EFCAB5: variants seen among roughly 807,000 people sequenced by gnomAD.
The protein encoded by EFCAB5 is EF-hand calcium-binding domain-containing protein 5.
Under a neutral mutation model 167.9 loss-of-function variants are expected in EFCAB5, and 131 were observed. The ratio of observed to expected loss-of-function variants is 0.78; its 90% CI spans 0.68 to 0.90. The LOEUF is 0.90. Ranked by LOEUF, EFCAB5 falls within the 40% of genes least tolerant of loss-of-function variation. EFCAB5 has a pLI of 0.00. For missense variants in EFCAB5, 1,663 were observed against 1,745.2 expected (o/e 0.95, Z 0.84); for synonymous variants, 574 against 602.8 (o/e 0.95, Z 0.70).
chr17:30,005,141 G>C (rs1169964744), intron 7 of EFCAB5, among the ~76,000 whole-genome samples: 1 of 152,074 alleles, frequency 6.6e-6, no homozygotes, highest in Non-Finnish European at 1.5e-5. Context: ...TGTGTTCTTG[G>C]TTATACTGAT....
chr17:29,981,429 C>T (rs2068172933), intron 4 of EFCAB5, among the ~76,000 whole-genome samples: 1 of 152,170 alleles, frequency 6.6e-6, no homozygotes, highest in African/African-American at 2.4e-5. Flanking sequence ...TCCTACCCAT[C>T]CTTTAGAGTT....
intron 14 of EFCAB5, chr17:30,068,908 G>A (rs1449962964): frequency 6.5e-7 from 1 of 1,540,114 alleles, no homozygotes; most frequent in Non-Finnish European, 9.0e-7. Context: ...CACAGAACGA[G>A]ACCAAATAGA....
chr17:29,997,766 T>A (rs1211195755), intron 6 of EFCAB5, among the ~76,000 whole-genome samples: 1 of 152,176 alleles, frequency 6.6e-6, no homozygotes, highest in Non-Finnish European at 1.5e-5. Flanking sequence ...GTGCAAGAAT[T>A]CCATGTGTTC....
At chr17:30,055,664 A>AATT (rs745524757) in intron 10 of EFCAB5, among the ~76,000 whole-genome samples, 60 of 152,176 alleles carry the variant, frequency 3.9e-4, no homozygotes, top group Non-Finnish European at 7.9e-4. Flanking sequence ...CTCATTTTGC[A>AATT]TGGCCAAATT....
At chr17:30,079,944 A>C in intron 15 of EFCAB5, 128 bp from the exon 16 acceptor site, 1 of 1,104,456 alleles carries the variant, frequency 9.1e-7, no homozygotes, top group Non-Finnish European at 1.3e-6. Context: ...GAATAGTAAT[A>C]TATGCATTCT....
intron 4 of EFCAB5, among the ~76,000 whole-genome samples, chr17:29,992,953 C>G (rs1450198259): frequency 6.6e-6 from 1 of 152,150 alleles, no homozygotes; most frequent in Non-Finnish European, 1.5e-5. Context: ...AGGCCTACCT[C>G]TATAAAAAGT....
chr17:30,003,099 C>T (rs113246325), intron 7 of EFCAB5, among the ~76,000 whole-genome samples: 1 of 104,388 alleles, frequency 9.6e-6, no homozygotes, highest in African/African-American at 3.4e-5. Flanking sequence ...TTTTTTGTAG[C>T]GGGGGGGGGG....
chr17:30,010,101 C>T lies in EFCAB5; in HGVS notation c.1044+10125C>T, dbSNP rs140338971. Among the ~76,000 whole-genome samples, 1,184 of 152,252 alleles carry T rather than the reference C, an allele frequency of 7.8e-3. 6 individuals are homozygous for T. The highest frequency in any genetic ancestry group is 0.014 in the Middle Eastern group (4 of 294). On this transcript the variant is annotated intron_variant, in intron 7 of 22. Coordinates refer to ENST00000394835, the MANE Select transcript of EFCAB5 (RefSeq NM_198529.4). ...GATAGTTTGCTCAGAATGATGGTTT[C>T]CAGCTTCATCCATGTCCCTACAAAG...
chr17:29,930,366 T>C, intron 1 of EFCAB5: 1 of 240,154 alleles, frequency 4.2e-6, no homozygotes, highest in Non-Finnish European at 8.2e-6. Flanking sequence ...CTCCTGGGTT[T>C]CCTCCTTCGT....
intron 3 of EFCAB5, among the ~76,000 whole-genome samples, chr17:29,963,412 A>G (rs1394859261): frequency 6.6e-6 from 1 of 152,110 alleles, no homozygotes; most frequent in Admixed American, 6.5e-5. Context: ...GAAAGATTTC[A>G]TGTTGAAAAG....
intron 8 of EFCAB5, among the ~76,000 whole-genome samples, chr17:30,045,112 A>G (rs7218113): frequency 0.51 from 77,887 of 151,908 alleles, 20,357 homozygotes; most frequent in African/African-American, 0.57. Context: ...TTACAACAAT[A>G]GAAAGCAGAT....
rs1358590405 is a variant in EFCAB5 at position 29,995,342 on chromosome 17, A to G, written c.925-970A>G. Among the ~76,000 whole-genome samples the G allele has an allele frequency of 3.9e-5, 6 of 152,376 alleles. No homozygotes were observed. The South Asian group carries it at 8.3e-4, about 21-fold the overall frequency. On this transcript the variant is annotated intron_variant, in intron 5 of 22. Coordinates refer to ENST00000394835, the MANE Select transcript of EFCAB5 (RefSeq NM_198529.4). ...TGTTCTTTGGTCTTCCAGAAAGTTA[A>G]CAAGCAAAATGCCTTGAGCATCCCA...
chr17:30,075,028 C>T (rs1379014328), intron 14 of EFCAB5, among the ~76,000 whole-genome samples: 1 of 152,078 alleles, frequency 6.6e-6, no homozygotes, highest in Non-Finnish European at 1.5e-5. Flanking sequence ...TATTAAAAAC[C>T]ATGAGTTCAC....
chr17:29,932,857 A>G (rs1244705588), intron 1 of EFCAB5, among the ~76,000 whole-genome samples: 2 of 152,208 alleles, frequency 1.3e-5, no homozygotes, highest in Non-Finnish European at 2.9e-5. Flanking sequence ...CTAAGGTGAT[A>G]AAATCCTGAT....
At chr17:30,006,905 C>A (rs1203451325) in intron 7 of EFCAB5, among the ~76,000 whole-genome samples, 4 of 152,214 alleles carry the variant, frequency 2.6e-5, no homozygotes, top group Admixed American at 2.6e-4. Flanking sequence ...GATCCTTCCA[C>A]CTCTGCCTCC....
At chr17:30,011,408 T>A (rs1184051471) in intron 7 of EFCAB5, among the ~76,000 whole-genome samples, 1 of 152,228 alleles carries the variant, frequency 6.6e-6, no homozygotes, top group Non-Finnish European at 1.5e-5. Context: ...TATGGCCATT[T>A]TCACGATATT....
In EFCAB5 at chr17:30,026,961, C is replaced by CTTTTTTT. The variant is rs71138868; in HGVS notation, c.1045-7232_1045-7226dup. Among the ~76,000 whole-genome samples, 3 of 64,550 alleles carry CTTTTTTT rather than the reference C, an allele frequency of 4.6e-5. 1 individual carries two copies. The highest frequency in any genetic ancestry group is 8.7e-5 in the Non-Finnish European group (3 of 34,524). The allele number at this position is 64,550 out of a possible 152,430, so 42.3% of individuals were successfully genotyped here. A position where few individuals can be genotyped will look rare whatever the true frequency, so the allele number is the denominator to read the frequency against. On this transcript the variant is annotated intron_variant, in intron 7 of 22. Coordinates refer to ENST00000394835, the MANE Select transcript of EFCAB5 (RefSeq NM_198529.4). ...ATGATTTCCTTGTACCTCCTTGTAC[C>CTTTTTTT]TTTTTTTTTTTTTTTTTTTTTTTTT...
intron 22 of EFCAB5, among the ~76,000 whole-genome samples, chr17:30,094,522 A>T (rs866178991): frequency 5.1e-4 from 77 of 150,652 alleles, no homozygotes; most frequent in South Asian, 1.5e-3. Context: ...AAAAAAAAAA[A>T]AAAAAAAAAA....
rs71138868 is a variant in EFCAB5, at chr17:30,026,961, C to CTTTT, written c.1045-7229_1045-7226dup. On this transcript the variant is annotated intron_variant, in intron 7 of 22. Coordinates refer to ENST00000394835, the MANE Select transcript of EFCAB5 (RefSeq NM_198529.4). ...ATGATTTCCTTGTACCTCCTTGTAC[C>CTTTT]TTTTTTTTTTTTTTTTTTTTTTTTT... Among the ~76,000 whole-genome samples, 8 of 64,550 alleles carry CTTTT rather than the reference C, an allele frequency of 1.2e-4. 2 individuals carry two copies. Among genetic ancestry groups the CTTTT allele is most frequent in the South Asian group, 1.1e-3 (2 of 1,748 alleles). 42.3% of individuals were successfully genotyped at this position (64,550 alleles called of 152,430 possible). A position where few individuals can be genotyped will look rare whatever the true frequency, so the allele number is the denominator to read the frequency against.
Sources: allele counts gnomAD v4.1 joint callset (sites outside exome capture counted in the v4.1 genomes callset), GRCh38; gene constraint gnomAD v4.1.1; transcripts MANE v1.5; gene names NCBI Gene and HGNC (gene_info 2026-07-23, HGNC 2026-07-21).